Variants in SRFBP1 observed in about 807,000 individuals in gnomAD.
SRFBP1 encodes serum response factor binding protein 1, also known as serum response factor-binding protein 1.
In SRFBP1, 47 loss-of-function variants were observed where a neutral mutation model predicts 45.5. The ratio of observed to expected loss-of-function variants is 1.03; its 90% CI spans 0.82 to 1.32. SRFBP1 has a LOEUF of 1.32. Ranked by LOEUF, SRFBP1 falls within the 40% of genes most tolerant of loss-of-function variation. The pLI, the probability that SRFBP1 is intolerant of heterozygous loss-of-function variation, is 0.00. For missense variants in SRFBP1, 621 were observed against 484.6 expected, an observed-to-expected ratio of 1.28 and a Z score of -2.64; for synonymous variants, 203 against 166.3, an observed-to-expected ratio of 1.22 and a Z score of -1.70.
intron 4 of SRFBP1, among the ~76,000 whole-genome samples, chr5:122,004,125 A>G (rs1273179728): frequency 6.6e-6 from 1 of 152,102 alleles, no homozygotes; most frequent in East Asian, 1.9e-4. Flanking sequence ...AGCTGGGACT[A>G]CAGTCATGCG....
chr5:122,064,727 GTC>G (rs1754253457), intron 2 of SRFBP1: 1 of 151,812 alleles, frequency 6.6e-6, no homozygotes, highest in Admixed American at 6.6e-5. Context: ...TCTTTTTTAT[GTC>G]TCAATGCATA....
intron 3 of SRFBP1, among the ~76,000 whole-genome samples, chr5:121,993,694 A>T (rs149125176): frequency 7.4e-4 from 112 of 152,244 alleles, no homozygotes; most frequent in Non-Finnish European, 1.4e-3. Flanking sequence ...ATTTACCAAT[A>T]GTTGTTTTAA....
intron 1 of SRFBP1, among the ~76,000 whole-genome samples, chr5:121,968,534 T>C (rs1003854166): frequency 6.6e-6 from 1 of 152,208 alleles, no homozygotes; most frequent in African/African-American, 2.4e-5. Flanking sequence ...ACAGATCTTT[T>C]GCATTGATTT....
intron 2 of SRFBP1, chr5:122,070,510 C>T: frequency 6.3e-7 from 1 of 1,599,172 alleles, no homozygotes; most frequent in Non-Finnish European, 8.6e-7. Context: ...GATATAGTTT[C>T]CAGGTTTTAC....
intron 4 of SRFBP1, among the ~76,000 whole-genome samples, chr5:122,007,724 G>T (rs1213461155): frequency 6.7e-5 from 10 of 150,276 alleles, no homozygotes; most frequent in Non-Finnish European, 1.5e-4. Flanking sequence ...GGAGAATGGA[G>T]CATCAGAGGC....
At chr5:121,991,383 TA>T (rs1482177946) in intron 3 of SRFBP1, among the ~76,000 whole-genome samples, 2 of 152,132 alleles carry the variant, frequency 1.3e-5, no homozygotes, top group Non-Finnish European at 2.9e-5. Context: ...AAAATGTATG[TA>T]AATCTAGGTT....
At chr5:121,966,946 A>ATTTTTTTT (rs34687337) in intron 1 of SRFBP1, among the ~76,000 whole-genome samples, 19 of 114,664 alleles carry the variant, frequency 1.7e-4, no homozygotes, top group South Asian at 3.1e-4. Flanking sequence ...CGCCCAGCTA[A>ATTTTTTTT]TTTTTTTTTT....
At chr5:122,006,241 C>T (rs1469456421) in intron 4 of SRFBP1, among the ~76,000 whole-genome samples, 3 of 151,992 alleles carry the variant, frequency 2.0e-5, no homozygotes, top group South Asian at 2.1e-4. Context: ...ATAAGGTAGG[C>T]CTTTACTGAG....
rs752362677 is a variant in SRFBP1 at position 121,962,042 on chromosome 5, C to T, written c.10C>T (p.Pro4Ser). ...TATTCCTTCATCTACCATGGCTCAG[C>T]CGGGAACTCTGAACCTCAATAACGA... MAQ[P>S]GTLNLNNEVV... The change falls in exon 1 of 8, where the codon CCG (proline) becomes TCG (serine). Residue 4 changes from proline (P) to serine (S), a missense_variant. Physicochemically the swap from Pro to Ser is moderately conservative, Grantham distance 74 (BLOSUM62 -1). Coordinates refer to ENST00000339397, the MANE Select transcript of SRFBP1 (RefSeq NM_152546.3). 8 of 1,613,974 alleles carry T rather than the reference C, an allele frequency of 5.0e-6. No individual in the cohort carries two copies. The South Asian group carries it at 6.6e-5, about 13-fold the overall frequency.
intron 2 of SRFBP1, among the ~76,000 whole-genome samples, chr5:122,049,134 A>G (rs537519804): frequency 2.4e-4 from 36 of 151,788 alleles, no homozygotes; most frequent in Non-Finnish European, 4.0e-4. Context: ...TTTAATTGTG[A>G]TGTTAGGGTG....
chr5:122,058,148 T>G (rs78865825), intron 2 of SRFBP1, among the ~76,000 whole-genome samples: 2,518 of 152,278 alleles, frequency 0.017, 76 homozygotes, highest in African/African-American at 0.057. Context: ...GATAGCATTA[T>G]AGGGTAATAT....
intron 4 of SRFBP1, among the ~76,000 whole-genome samples, chr5:122,016,623 T>C (rs558654862): frequency 6.6e-6 from 1 of 152,348 alleles, no homozygotes; most frequent in Non-Finnish European, 1.5e-5. Flanking sequence ...TTCTATATTC[T>C]AGCTTTTAAT....
chr5:122,001,753 G>C (rs924676166), intron 4 of SRFBP1, among the ~76,000 whole-genome samples: 17 of 151,484 alleles, frequency 1.1e-4, no homozygotes, highest in Admixed American at 9.9e-4. Flanking sequence ...AGTATAGACG[G>C]GGTTTCACCT....
intron 3 of SRFBP1, among the ~76,000 whole-genome samples, chr5:121,978,844 A>G (rs1184193452): frequency 6.6e-6 from 1 of 151,990 alleles, no homozygotes; most frequent in Non-Finnish European, 1.5e-5. Context: ...ACTTCTTCCT[A>G]TCCTGAATAT....
chr5:122,046,119 C>T (rs1180216670), intron 2 of SRFBP1, among the ~76,000 whole-genome samples: 1 of 152,024 alleles, frequency 6.6e-6, no homozygotes, highest in African/African-American at 2.4e-5. Flanking sequence ...CACATGTATA[C>T]ATGTGCCATG....
intron 3 of SRFBP1, among the ~76,000 whole-genome samples, chr5:121,992,427 CCTT>C (rs1337850678): frequency 1.3e-5 from 2 of 151,744 alleles, no homozygotes; most frequent in African/African-American, 4.8e-5. Context: ...CTCTGCATCT[CCTT>C]CTCTGACCTT....
intron 7 of SRFBP1, among the ~76,000 whole-genome samples, chr5:122,025,068 G>A (rs981941597): frequency 2.6e-5 from 4 of 151,976 alleles, no homozygotes; most frequent in East Asian, 1.9e-4. Context: ...CCATTAACTC[G>A]TCATTTACCA....
intron 2 of SRFBP1, among the ~76,000 whole-genome samples, chr5:122,033,850 G>A (rs1205862661): frequency 7.6e-6 from 1 of 131,254 alleles, no homozygotes; most frequent in Non-Finnish European, 1.6e-5. Flanking sequence ...TTGAGACAGA[G>A]TCTTGCTTCA....
intron 2 of SRFBP1, among the ~76,000 whole-genome samples, chr5:122,054,236 G>A (rs1437338451): frequency 1.3e-5 from 2 of 152,202 alleles, no homozygotes; most frequent in African/African-American, 4.8e-5. Flanking sequence ...GTTTCTGGGA[G>A]GTCCAGGGGG....
Sources: gnomAD v4.1 joint callset for allele counts (sites outside exome capture counted in the v4.1 genomes callset) on GRCh38, gnomAD v4.1.1 for gene constraint, MANE v1.5 for transcripts, NCBI Gene and HGNC (gene_info 2026-07-23, HGNC 2026-07-21) for gene names.